Variants in FAM13A observed in about 807,000 individuals in gnomAD.
The protein encoded by FAM13A is family with sequence similarity 13 member A, also known as protein FAM13A.
A neutral mutation model predicts 129.6 loss-of-function variants in FAM13A; 76 were observed. That is an observed-to-expected ratio of 0.59 (90% CI 0.49 to 0.71). The LOEUF is 0.71. Ranked by LOEUF, FAM13A falls within the 30% of genes least tolerant of loss-of-function variation. FAM13A has a pLI of 0.00. For synonymous variants in FAM13A, 443 were observed against 449.9 expected, an observed-to-expected ratio of 0.98 and a Z score of 0.20; for missense variants, 1,108 against 1,249.3, an observed-to-expected ratio of 0.89 and a Z score of 1.70.
intron 8 of FAM13A, among the ~76,000 whole-genome samples, chr4:88,791,246 T>C (rs1553981761): frequency 2.0e-5 from 3 of 152,204 alleles, no homozygotes; most frequent in African/African-American, 4.8e-5. Context: ...ACATCTAATT[T>C]ACAATGTTTT....
chr4:89,056,922 G>T lies in FAM13A; in HGVS notation c.27+16C>A. On this transcript the variant is annotated intron_variant, in intron 1 of 23. Transcript: ENST00000264344. ...CTGGCAGTAAACACAGAAGACAGAA[G>T]AAGGCCTATACTTACACAGATGGCT... The T allele has an allele frequency of 6.2e-7, 1 of 1,611,228 alleles. No individual in the cohort carries two copies. Among genetic ancestry groups the T allele is most frequent in the South Asian group, 1.1e-5 (1 of 90,436 alleles).
intron 1 of FAM13A, among the ~76,000 whole-genome samples, chr4:89,052,086 G>A (rs184571911): frequency 2.0e-4 from 30 of 152,098 alleles, no homozygotes; most frequent in Admixed American, 8.5e-4. Context: ...TCTGGGCACC[G>A]GCAGAGACAG....
rs114577372 is a variant in FAM13A at position 89,029,636 on chromosome 4, G to T, written c.41C>A (p.Ala14Glu). 2 of 1,574,474 alleles carry T rather than the reference G, an allele frequency of 1.3e-6. No individual in the cohort carries two copies. The highest frequency in any genetic ancestry group is 8.6e-7 in the Non-Finnish European group (1 of 1,167,398). ...GALAICQSKAAVRLKEDMKKI... is the reference protein window; with the variant it reads ...GALAICQSKAEVRLKEDMKKI... ...TTTCATGTCTTCTTTCAGCCGAACC[G>T]CTGCTTTACTTTGCTTAAAGGAGCG... Residue 14 changes from alanine (A) to glutamate (E), a missense_variant, in exon 2 of 24, where the codon GCG becomes GAG. Ala to Glu is a moderately radical substitution (Grantham distance 107, BLOSUM62 -1). Transcript: ENST00000264344.
chr4:89,034,101 A>G (rs1163144623), intron 1 of FAM13A, among the ~76,000 whole-genome samples: 1 of 152,198 alleles, frequency 6.6e-6, no homozygotes, highest in Non-Finnish European at 1.5e-5. Flanking sequence ...TAAACTAAAG[A>G]GCTTCTGCAC....
At chr4:88,910,850 A>T (rs1042296630) in intron 5 of FAM13A, among the ~76,000 whole-genome samples, 2 of 151,978 alleles carry the variant, frequency 1.3e-5, no homozygotes, top group African/African-American at 4.8e-5. Context: ...GGGTTTCACC[A>T]CGTTGGCCAG....
chr4:89,013,797 T>A (rs1766072345), intron 3 of FAM13A, among the ~76,000 whole-genome samples: 1 of 152,190 alleles, frequency 6.6e-6, no homozygotes, highest in African/African-American at 2.4e-5. Flanking sequence ...TATAACGACA[T>A]TTCATTCAAG....
chr4:88,930,466 T>C (rs1752860660), intron 5 of FAM13A, among the ~76,000 whole-genome samples: 1 of 152,158 alleles, frequency 6.6e-6, no homozygotes, highest in African/African-American at 2.4e-5. Flanking sequence ...GGGTCAGTGG[T>C]ATCTGTGATT....
chr4:88,794,623 C>T (rs1337669336), intron 8 of FAM13A, among the ~76,000 whole-genome samples: 1 of 151,712 alleles, frequency 6.6e-6, no homozygotes, highest in Non-Finnish European at 1.5e-5. Flanking sequence ...GTATGTTCTC[C>T]TCTATGGCAT....
At position 88,728,569 on chromosome 4, in the gene FAM13A, G is replaced by A. The variant is rs746183360; in HGVS notation, c.3036C>T (p.Leu1012=). ...TGGAATCAGTGTCTCTCTTGCTGAT[G>A]AGCACCTCCAGGAGCCTCAGTTTCG... ...IKAKLRLLEV[L]ISKRDTDSKS... The change falls in exon 24 of 24, where the codon CTC becomes CTT. Residue 1012 remains leucine (L), a synonymous_variant. Transcript: ENST00000264344. The A allele has an allele frequency of 5.0e-6, 8 of 1,614,052 alleles. No homozygotes were observed. Among genetic ancestry groups the A allele is most frequent in the Middle Eastern group, 1.6e-4 (1 of 6,084 alleles).
At chr4:88,900,513 A>T (rs1468806182) in intron 6 of FAM13A, among the ~76,000 whole-genome samples, 1 of 152,134 alleles carries the variant, frequency 6.6e-6, no homozygotes, top group Non-Finnish European at 1.5e-5. Flanking sequence ...AAAAAAAAGA[A>T]TTTCCAATCC....
At chr4:88,789,668 A>T (rs554032560) in intron 9 of FAM13A, among the ~76,000 whole-genome samples, 3 of 152,340 alleles carry the variant, frequency 2.0e-5, no homozygotes, top group African/African-American at 7.2e-5. Context: ...TACAGAGCTT[A>T]CATTCCCGTA....
chr4:88,957,989 T>C (rs986603765), intron 4 of FAM13A, among the ~76,000 whole-genome samples: 6 of 151,844 alleles, frequency 4.0e-5, no homozygotes. Context: ...AGCAAAGAAA[T>C]GACTAAAAGT....
intron 5 of FAM13A, among the ~76,000 whole-genome samples, chr4:88,925,544 G>A (rs1408300405): frequency 7.2e-6 from 1 of 139,084 alleles, no homozygotes; most frequent in African/African-American, 2.7e-5. Flanking sequence ...ATCACACTCT[G>A]GGGACTGTTG....
intron 4 of FAM13A, among the ~76,000 whole-genome samples, chr4:88,947,567 G>C (rs538193326): frequency 6.6e-6 from 1 of 152,194 alleles, no homozygotes; most frequent in South Asian, 2.1e-4. Context: ...ATAAATTTCT[G>C]TCTGTTCTGA....
chr4:89,015,531 G>C (rs1766367307), intron 3 of FAM13A, among the ~76,000 whole-genome samples: 1 of 152,196 alleles, frequency 6.6e-6, no homozygotes, highest in South Asian at 2.1e-4. Flanking sequence ...TGAATTATCG[G>C]GGGCGGGTTA....
At chr4:89,025,242 A>ATTTTTTTTT (rs1560851172) in intron 2 of FAM13A, among the ~76,000 whole-genome samples, 3 of 55,476 alleles carry the variant, frequency 5.4e-5, no homozygotes, top group Admixed American at 2.1e-4. Flanking sequence ...CCATGGAATC[A>ATTTTTTTTT]TTGTTTTTTT....
chr4:88,790,286 C>T (rs563186110), intron 9 of FAM13A, among the ~76,000 whole-genome samples: 1 of 152,140 alleles, frequency 6.6e-6, no homozygotes, highest in South Asian at 2.1e-4. Context: ...AGATGCCTCC[C>T]AAAGTACATT....
intron 6 of FAM13A, among the ~76,000 whole-genome samples, chr4:88,880,343 G>A (rs1053888946): frequency 6.6e-6 from 1 of 152,158 alleles, no homozygotes; most frequent in African/African-American, 2.4e-5. Context: ...CAGATGACAG[G>A]AGAAGGTTTG....
chr4:88,732,043 G>A lies in FAM13A; in HGVS notation c.2802C>T (p.Cys934=). ...SPMDDKIPSK[C]SQDTGLSNLH... ...GATTTGAAAGCCCTGTGTCCTGGCT[G>A]CATTTTGATGGTATTTTATCATCCA... Residue 934 remains cysteine, a synonymous_variant, in exon 22 of 24, where the codon TGC becomes TGT. Transcript: ENST00000264344. 6.2e-7 allele frequency: 1 copy of A among 1,613,736 alleles called. No homozygotes were observed. Among genetic ancestry groups the A allele is most frequent in the Non-Finnish European group, 8.5e-7 (1 of 1,179,824 alleles).
Sources: gnomAD v4.1 joint callset for allele counts (sites outside exome capture counted in the v4.1 genomes callset) on GRCh38, gnomAD v4.1.1 for gene constraint, MANE v1.5 for transcripts, NCBI Gene and HGNC (gene_info 2026-07-23, HGNC 2026-07-21) for gene names.